The following NR6A1 variants were observed in gnomAD, a reference collection of about 807,000 sequenced individuals.
NR6A1 encodes nuclear receptor subfamily 6 group A member 1.
A neutral mutation model predicts 59.1 loss-of-function variants in NR6A1; 7 were observed. That is an observed-to-expected ratio of 0.12 (90% CI 0.07 to 0.22). NR6A1 has a LOEUF of 0.22. NR6A1 is among the 10% of genes least tolerant of loss of function. NR6A1 has a pLI of 1.00. For synonymous variants in NR6A1, 243 were observed against 236.1 expected (o/e 1.03, Z -0.27); for missense variants, 468 against 611.6 (o/e 0.77, Z 2.48).
intron 2 of NR6A1, chr9:124,693,673 C>G: frequency 1.9e-6 from 1 of 531,460 alleles, no homozygotes; most frequent in Non-Finnish European, 3.9e-6. Flanking sequence ...CAGGAGTCAG[C>G]CAGGGAGGGC....
At chr9:124,602,695 A>T (rs1835478391) in intron 2 of NR6A1, among the ~76,000 whole-genome samples, 1 of 152,246 alleles carries the variant, frequency 6.6e-6, no homozygotes, top group South Asian at 2.1e-4. Context: ...CTATCTAAAA[A>T]GAACTCAGTT....
At chr9:124,655,069 A>G (rs1837219402) in intron 2 of NR6A1, among the ~76,000 whole-genome samples, 1 of 152,206 alleles carries the variant, frequency 6.6e-6, no homozygotes, top group Non-Finnish European at 1.5e-5. Flanking sequence ...TTGTTCAGCT[A>G]AAGTCCCTAT....
At chr9:124,692,704 T>C (rs1838597223) in intron 2 of NR6A1, among the ~76,000 whole-genome samples, 1 of 152,240 alleles carries the variant, frequency 6.6e-6, no homozygotes, top group South Asian at 2.1e-4. Context: ...GTGTGTTTTA[T>C]TATTATTTGT....
At chr9:124,688,225 T>C (rs1838407128) in intron 2 of NR6A1, among the ~76,000 whole-genome samples, 1 of 151,980 alleles carries the variant, frequency 6.6e-6, no homozygotes, top group South Asian at 2.1e-4. Flanking sequence ...CTCAGGAGGC[T>C]GAGGCGGGAG....
intron 2 of NR6A1, among the ~76,000 whole-genome samples, chr9:124,705,880 A>G (rs577917656): frequency 6.6e-6 from 1 of 151,068 alleles, no homozygotes; most frequent in Non-Finnish European, 1.5e-5. Context: ...AGTTCAAGTG[A>G]TTCTCCTGCC....
chr9:124,522,693 G>A lies in NR6A1; in HGVS notation c.*12C>T, dbSNP rs922065328. 4 of 1,560,878 alleles carry A rather than the reference G, an allele frequency of 2.6e-6. No individual in the cohort carries two copies. In the South Asian group the frequency reaches 3.5e-5, roughly 14 times the overall value. ...ACGCTGTGGTTGGCCTGAGGAGGGC[G>A]CCTGGAACAGGTCATTCCTTGCCCA... On this transcript the variant is annotated 3_prime_UTR_variant, in exon 10 of 10. Coordinates refer to ENST00000487099, the MANE Select transcript of NR6A1 (RefSeq NM_033334.4).
intron 2 of NR6A1, among the ~76,000 whole-genome samples, chr9:124,699,669 G>T (rs139376691): frequency 1.6e-4 from 25 of 152,274 alleles, no homozygotes; most frequent in Admixed American, 7.2e-4. Context: ...TTCGCCTGTT[G>T]TAAGTGTATA....
intron 2 of NR6A1, chr9:124,599,067 G>A (rs939473266): frequency 6.9e-6 from 5 of 727,966 alleles, no homozygotes; most frequent in South Asian, 1.4e-5. Context: ...TGCTTCAGGA[G>A]CTTGACGTCA....
chr9:124,540,388 T>G (rs1258476623), intron 4 of NR6A1, among the ~76,000 whole-genome samples: 2 of 152,160 alleles, frequency 1.3e-5, no homozygotes, highest in Admixed American at 1.3e-4. Flanking sequence ...GTGGCCTTCC[T>G]CCTGCTCATT....
intron 2 of NR6A1, among the ~76,000 whole-genome samples, chr9:124,728,219 C>T (rs1342579749): frequency 4.6e-5 from 7 of 151,760 alleles, no homozygotes; most frequent in East Asian, 2.0e-4. Flanking sequence ...TTAGTAGAGA[C>T]GGGGTTTCAC....
chr9:124,747,373 A>C (rs184723366), intron 1 of NR6A1, among the ~76,000 whole-genome samples: 110 of 151,860 alleles, frequency 7.2e-4, no homozygotes, highest in Non-Finnish European at 1.3e-3. Context: ...CATGTTCTTT[A>C]CTAAATGTCC....
At chr9:124,673,573 C>T (rs1028068005) in intron 2 of NR6A1, among the ~76,000 whole-genome samples, 14 of 151,954 alleles carry the variant, frequency 9.2e-5, no homozygotes, top group African/African-American at 3.1e-4. Context: ...ATCATAGATG[C>T]TTAAAAATGC....
At chr9:124,613,115 C>T (rs546794708) in intron 2 of NR6A1, among the ~76,000 whole-genome samples, 9 of 152,218 alleles carry the variant, frequency 5.9e-5, no homozygotes, top group African/African-American at 1.7e-4. Context: ...GAGGAAGGAT[C>T]GCTTGAGGCC....
At chr9:124,529,776 G>T (rs1833043900) in intron 7 of NR6A1, among the ~76,000 whole-genome samples, 1 of 152,200 alleles carries the variant, frequency 6.6e-6, no homozygotes, top group South Asian at 2.1e-4. Flanking sequence ...CCTCCAGGAT[G>T]CTAAGACTTG....
chr9:124,590,061 CAAAAAAAAAAAAAAAA>C (rs71372976), intron 2 of NR6A1, among the ~76,000 whole-genome samples: 12 of 30,868 alleles, frequency 3.9e-4, no homozygotes, highest in Admixed American at 6.0e-4. Flanking sequence ...AAGACTCTGT[CAAAAAAAAAAAAAAAA>C]AAAAAAAAAA....
At chr9:124,589,615 T>C (rs1835049957) in intron 2 of NR6A1, among the ~76,000 whole-genome samples, 1 of 152,268 alleles carries the variant, frequency 6.6e-6, no homozygotes, top group Admixed American at 6.5e-5. Flanking sequence ...CACTGACTTG[T>C]GCACATTTTG....
chr9:124,706,831 T>G (rs77693351), intron 2 of NR6A1, among the ~76,000 whole-genome samples: 3,130 of 152,292 alleles, frequency 0.021, 120 homozygotes, highest in Non-Finnish European at 0.022. Flanking sequence ...TTTTGTTCCC[T>G]TTCCACACTT....
chr9:124,696,520 C>CTTTTTTTT (rs10625540), intron 2 of NR6A1, among the ~76,000 whole-genome samples: 9 of 104,984 alleles, frequency 8.6e-5, no homozygotes, highest in Admixed American at 1.2e-4. Context: ...TGTTCTCTAG[C>CTTTTTTTT]TTTTTTTTTT....
At chr9:124,758,397 A>C (rs1487225190) in intron 1 of NR6A1, among the ~76,000 whole-genome samples, 3 of 152,190 alleles carry the variant, frequency 2.0e-5, no homozygotes, top group Non-Finnish European at 2.9e-5. Flanking sequence ...AGCGCATTTA[A>C]TCTTAGGAAG....
Sources: allele counts gnomAD v4.1 joint callset (sites outside exome capture counted in the v4.1 genomes callset), GRCh38; gene constraint gnomAD v4.1.1; transcripts MANE v1.5; gene names NCBI Gene and HGNC (gene_info 2026-07-23, HGNC 2026-07-21).